Variants in PRXL2C observed in about 807,000 individuals in gnomAD.
PRXL2C encodes peroxiredoxin-like 2C.
PRXL2C carries 38 observed loss-of-function variants against 24.9 expected under a neutral mutation model. The observed-to-expected ratio is 1.53, with a 90% CI of 1.18 to 2.00. PRXL2C has a LOEUF of 2.00. PRXL2C is among the 30% of genes most tolerant of loss of function. The pLI is 0.00. For missense variants in PRXL2C, 294 were observed against 290.9 expected (o/e 1.01, Z -0.08); for synonymous variants, 98 against 117.2 (o/e 0.84, Z 1.06).
intron 4 of PRXL2C, among the ~76,000 whole-genome samples, chr9:96,646,758 G>A (rs548399086): frequency 6.6e-6 from 1 of 152,234 alleles, no homozygotes; most frequent in African/African-American, 2.4e-5. Context: ...CTGCTCAAGA[G>A]GAAAGGCATC....
intron 4 of PRXL2C, among the ~76,000 whole-genome samples, chr9:96,647,677 C>T (rs933946001): frequency 3.9e-5 from 6 of 152,028 alleles, no homozygotes; most frequent in Admixed American, 3.9e-4. Flanking sequence ...TTCATGCCAC[C>T]AATCCTGGCT....
intron 1 of PRXL2C, 148 bp from the exon 2 acceptor site, chr9:96,654,921 C>G (rs1484038816): frequency 8.4e-7 from 1 of 1,187,518 alleles, no homozygotes. Context: ...GCGTGGGAAG[C>G]GGGCCTCGCC....
At chr9:96,643,101 C>G (rs118136210) in intron 5 of PRXL2C, among the ~76,000 whole-genome samples, 2 of 152,130 alleles carry the variant, frequency 1.3e-5, no homozygotes, top group Non-Finnish European at 2.9e-5. Context: ...GATCCAAATA[C>G]TACAGCATTT....
At position 96,640,981 on chromosome 9, in the gene PRXL2C, G is replaced by A. The variant is rs1848106705; in HGVS notation, c.*778C>T. On this transcript the variant is annotated 3_prime_UTR_variant, in exon 6 of 6. Transcript: ENST00000375234. ...TCCTAGTGAAACGGATAGCAAGTAT[G>A]TAGTTTGAGAAGGTGCTGTGGACAC... 6.6e-6 allele frequency: 1 copy of A among 152,098 alleles called. No individual in the cohort carries two copies. The highest frequency in any genetic ancestry group is 1.5e-5 in the Non-Finnish European group (1 of 68,062). The allele number at this position is 152,098 out of a possible 1,614,324, so 9.4% of individuals were successfully genotyped here. A position where few individuals can be genotyped will look rare whatever the true frequency, so the allele number is the denominator to read the frequency against.
intron 4 of PRXL2C, 128 bp from the exon 5 acceptor site, chr9:96,646,152 A>G (rs760845862): frequency 1.7e-5 from 18 of 1,088,246 alleles, no homozygotes; most frequent in African/African-American, 6.5e-5. Flanking sequence ...TACCATCAAC[A>G]TTTTGGCTCA....
Position 96,641,760 on chromosome 9 carries a change from C to T in PRXL2C, c.680G>A (p.Ter227=). Residue 227 remains the stop codon, a stop_retained_variant, in exon 6 of 6, where the codon TGA becomes TAA. Coordinates refer to ENST00000375234, the MANE Select transcript of PRXL2C (RefSeq NM_153698.2). The stretch of plus-strand genomic sequence containing the variant: ...GAAAGTGACTGAGTGCATTTTAAGT[C>T]ACACATGGATAACTGAAGGTCTGTT... ...FTNRPSVIHV[*] The T allele has an allele frequency of 6.4e-7, 1 of 1,561,526 alleles. No homozygotes were observed. The highest frequency in any genetic ancestry group is 8.7e-7 in the Non-Finnish European group (1 of 1,143,394).
At chr9:96,647,780 C>T (rs1452759221) in intron 4 of PRXL2C, among the ~76,000 whole-genome samples, 4 of 151,914 alleles carry the variant, frequency 2.6e-5, no homozygotes, top group Non-Finnish European at 4.4e-5. Flanking sequence ...CTCCCACCTC[C>T]GCCTCCCAAA....
At chr9:96,644,187 T>C (rs1308368221) in intron 5 of PRXL2C, among the ~76,000 whole-genome samples, 2 of 151,926 alleles carry the variant, frequency 1.3e-5, no homozygotes, top group African/African-American at 4.8e-5. Context: ...ATATAACTCT[T>C]ATAAGCTATG....
chr9:96,650,846 T>C (rs1217800331), intron 4 of PRXL2C, among the ~76,000 whole-genome samples: 1 of 152,182 alleles, frequency 6.6e-6, no homozygotes. Flanking sequence ...TGAAAATCCT[T>C]TTTGTTTTCA....
intron 4 of PRXL2C, among the ~76,000 whole-genome samples, chr9:96,649,276 A>C (rs995119352): frequency 2.0e-5 from 3 of 151,472 alleles, no homozygotes; most frequent in Non-Finnish European, 4.4e-5. Flanking sequence ...AAAAACATCT[A>C]TAAAGGAGCC....
intron 1 of PRXL2C, 135 bp downstream of exon 1, chr9:96,654,955 T>G: frequency 8.2e-7 from 1 of 1,220,482 alleles, no homozygotes; most frequent in Non-Finnish European, 1.1e-6. Flanking sequence ...TGCCCCGCCC[T>G]AGTTGGGAAG....
intron 5 of PRXL2C, among the ~76,000 whole-genome samples, chr9:96,644,736 T>TCC (rs1353439875): frequency 3.3e-5 from 5 of 151,882 alleles, no homozygotes; most frequent in Non-Finnish European, 5.9e-5. Flanking sequence ...AGTCTCAGCC[T>TCC]CCCAAAATGC....
chr9:96,641,913 GA>G, intron 5 of PRXL2C, 27 bp from the exon 6 acceptor site: 1 of 1,450,404 alleles, frequency 6.9e-7, no homozygotes, highest in Non-Finnish European at 9.2e-7. Context: ...ATAAAAGGCT[GA>G]GGCATAGTAT....
intron 5 of PRXL2C, among the ~76,000 whole-genome samples, chr9:96,644,626 C>T (rs150755577): frequency 0.012 from 1,802 of 152,118 alleles, 27 homozygotes; most frequent in African/African-American, 0.04. Context: ...GGTGGGATTA[C>T]AAGCATGCAC....
chr9:96,652,358 T>C (rs989186768), intron 2 of PRXL2C, among the ~76,000 whole-genome samples: 1 of 151,804 alleles, frequency 6.6e-6, no homozygotes, highest in African/African-American at 2.4e-5. Flanking sequence ...CCATCTCCAC[T>C]AAAAATACAA....
intron 4 of PRXL2C, among the ~76,000 whole-genome samples, chr9:96,650,721 T>C (rs1005967470): frequency 2.6e-5 from 4 of 152,054 alleles, no homozygotes; most frequent in Non-Finnish European, 5.9e-5. Flanking sequence ...AAAAGTAAAA[T>C]ATACTTGTAA....
intron 1 of PRXL2C, 153 bp downstream of exon 1, chr9:96,654,937 C>T: frequency 1.7e-6 from 2 of 1,201,640 alleles, no homozygotes; most frequent in South Asian, 1.8e-5. Context: ...TCGCCCTCGC[C>T]CTCTCCCTGC....
At chr9:96,646,166 C>A in intron 4 of PRXL2C, 142 bp from the exon 5 acceptor site, 1 of 981,728 alleles carries the variant, frequency 1.0e-6, no homozygotes, top group South Asian at 1.8e-5. Flanking sequence ...TGGCTCAGAT[C>A]ATTCTTTGTC....
chr9:96,651,358 G>C (rs778498518), intron 4 of PRXL2C, 32 bp downstream of exon 4: 1 of 1,422,580 alleles, frequency 7.0e-7, no homozygotes, highest in East Asian at 2.3e-5. Flanking sequence ...TACACCACCA[G>C]TGTTTTCTAT....
Sources: gnomAD v4.1 joint callset for allele counts (sites outside exome capture counted in the v4.1 genomes callset) on GRCh38, gnomAD v4.1.1 for gene constraint, MANE v1.5 for transcripts, NCBI Gene and HGNC (gene_info 2026-07-23, HGNC 2026-07-21) for gene names.